Variants in MEMO1 observed in about 807,000 individuals in gnomAD.
MEMO1 encodes the protein mediator of cell motility 1, also known as protein MEMO1.
Under a neutral mutation model 45.2 loss-of-function variants are expected in MEMO1, and 6 were observed. The ratio of observed to expected loss-of-function variants is 0.13; its 90% CI spans 0.07 to 0.26. The LOEUF (loss-of-function observed/expected upper bound fraction) is 0.26, where lower values mean the gene tolerates loss of function less well. Ranked by LOEUF, MEMO1 falls within the 10% of genes least tolerant of loss-of-function variation. The pLI is 1.00. For missense variants in MEMO1, 184 were observed against 370.5 expected (o/e 0.50, Z 4.13); for synonymous variants, 78 against 124.3 (o/e 0.63, Z 2.48).
rs555676743 is a variant in MEMO1, at chr2:31,999,385, A to G, written c.61+10802T>C. Among the ~76,000 whole-genome samples the G allele has an allele frequency of 9.5e-4, 145 of 152,226 alleles. 1 individual carries two copies. The highest frequency in any genetic ancestry group is 1.9e-3 in the Non-Finnish European group (127 of 68,008). On this transcript the variant is annotated intron_variant, in intron 2 of 9. Transcript: ENST00000404530. Reference sequence around the variant, plus strand: ...CTCAAGTAAAAGTCCTTTCTAGACTAGGCACAGTGGCTCATACCTGTAATC... The same window carrying G: ...CTCAAGTAAAAGTCCTTTCTAGACTGGGCACAGTGGCTCATACCTGTAATC...
chr2:31,989,630 C>T (rs550281096), intron 2 of MEMO1, among the ~76,000 whole-genome samples: 22 of 152,300 alleles, frequency 1.4e-4, no homozygotes, highest in African/African-American at 3.8e-4. Flanking sequence ...TCAAATTCTA[C>T]ACTGCAATTA....
rs538999946 is a variant in MEMO1 at position 31,926,846 on chromosome 2, C to CA, written c.212+5220dup. 4.1e-3 allele frequency among the ~76,000 whole-genome samples: 557 copies of CA among 136,668 alleles called. 3 individuals carry two copies. The highest frequency in any genetic ancestry group is 5.8e-3 in the Non-Finnish European group (367 of 62,994). The allele number at this position is 136,668 out of a possible 152,430, so 89.7% of individuals were successfully genotyped here. A position where few individuals can be genotyped will look rare whatever the true frequency, so the allele number is the denominator to read the frequency against. ...GGGCGACAAGCACGAAACTCTGCCT[C>CA]AAAAAAAAAAGAAAAATAAACAAAA... On this transcript the variant is annotated intron_variant, in intron 4 of 9. Coordinates refer to ENST00000404530, the MANE Select transcript of MEMO1 (RefSeq NM_001301833.4).
At chr2:31,986,923 G>C (rs995387303) in intron 2 of MEMO1, among the ~76,000 whole-genome samples, 1 of 152,148 alleles carries the variant, frequency 6.6e-6, no homozygotes, top group African/African-American at 2.4e-5. Context: ...GCAATGTCTC[G>C]GAAGAGAGAA....
intron 6 of MEMO1, among the ~76,000 whole-genome samples, chr2:31,900,270 G>C (rs1678579370): frequency 6.6e-6 from 1 of 152,080 alleles, no homozygotes; most frequent in African/African-American, 2.4e-5. Flanking sequence ...GCAAAGACTT[G>C]GAACCAACCC....
intron 2 of MEMO1, among the ~76,000 whole-genome samples, chr2:31,945,892 C>A (rs544090275): frequency 3.9e-5 from 6 of 152,308 alleles, no homozygotes; most frequent in Non-Finnish European, 7.4e-5. Context: ...GGTATCAAGT[C>A]CTCTTACTTG....
chr2:31,929,198 A>G (rs773917340), intron 4 of MEMO1, among the ~76,000 whole-genome samples: 3 of 152,150 alleles, frequency 2.0e-5, no homozygotes, highest in Admixed American at 6.5e-5. Flanking sequence ...AAAATAAAAC[A>G]TATTTCCATT....
rs201206318 is a variant in MEMO1 at position 31,934,732 on chromosome 2, G to C, written c.144-2597C>G. ...ATTCTGAAAAATGCTGTGAGCTCTT[G>C]GGCAGGGGTGTGACAATATCAAACT... On this transcript the variant is annotated intron_variant, in intron 3 of 9. Coordinates refer to ENST00000404530, the MANE Select transcript of MEMO1 (RefSeq NM_001301833.4). Among the ~76,000 whole-genome samples the C allele has an allele frequency of 5.9e-5, 9 of 152,250 alleles. No homozygotes were observed. The East Asian group carries it at 1.7e-3, about 29-fold the overall frequency.
intron 2 of MEMO1, among the ~76,000 whole-genome samples, chr2:31,969,619 GT>G (rs1669128608): frequency 1.3e-5 from 2 of 149,064 alleles, no homozygotes; most frequent in South Asian, 2.2e-4. Context: ...GTGTGTGTGT[GT>G]GTGTGTGTGT....
At chr2:31,973,666 T>C (rs564474334) in intron 2 of MEMO1, among the ~76,000 whole-genome samples, 1 of 152,338 alleles carries the variant, frequency 6.6e-6, no homozygotes, top group East Asian at 1.9e-4. Context: ...TATATGCTAC[T>C]ATGTGAATGA....
chr2:31,940,645 G>A (rs973855950), intron 3 of MEMO1, among the ~76,000 whole-genome samples: 1 of 152,126 alleles, frequency 6.6e-6, no homozygotes, highest in Non-Finnish European at 1.5e-5. Context: ...GGGCTCAAGG[G>A]ATCCTCCTCC....
At chr2:31,899,920 T>C (rs755526877) in intron 6 of MEMO1, among the ~76,000 whole-genome samples, 74 of 152,160 alleles carry the variant, frequency 4.9e-4, no homozygotes, top group Non-Finnish European at 9.6e-4. Context: ...CCAACAAATA[T>C]ATGAAAAGAA....
chr2:31,875,463 ATGATC>A (rs1181244743), intron 8 of MEMO1, among the ~76,000 whole-genome samples: 1 of 152,176 alleles, frequency 6.6e-6, no homozygotes, highest in Non-Finnish European at 1.5e-5. Context: ...CCTGGCTTTA[ATGATC>A]TACTGAGACC....
chr2:31,999,194 G>A (rs758831640), intron 2 of MEMO1, among the ~76,000 whole-genome samples: 62 of 152,258 alleles, frequency 4.1e-4, no homozygotes, highest in Middle Eastern at 3.4e-3. Context: ...TCATCTCACA[G>A]TTGGATTACT....
Position 31,968,107 on chromosome 2 carries a change from T to G in MEMO1, c.62-24724A>C, listed in dbSNP as rs541913075. Among the ~76,000 whole-genome samples, 3 of 152,252 alleles carry G rather than the reference T, an allele frequency of 2.0e-5. No individual in the cohort carries two copies. The East Asian group carries it at 5.8e-4, about 29-fold the overall frequency. On this transcript the variant is annotated intron_variant, in intron 2 of 9. Coordinates refer to ENST00000404530, the MANE Select transcript of MEMO1 (RefSeq NM_001301833.4). The stretch of plus-strand genomic sequence containing the variant: ...CTCAATCTGTAGGTCAAGAGCCAAA[T>G]AGAATAGAATTAGCTGCTGTGCTTA...
chr2:31,988,329 T>C (rs1007689397), intron 2 of MEMO1, among the ~76,000 whole-genome samples: 13 of 151,932 alleles, frequency 8.6e-5, no homozygotes, highest in African/African-American at 3.1e-4. Flanking sequence ...GGCGGATCAC[T>C]TGAGGTCAGG....
At chr2:31,925,110 A>ACC (rs1682885204) in intron 4 of MEMO1, among the ~76,000 whole-genome samples, 1 of 152,152 alleles carries the variant, frequency 6.6e-6, no homozygotes, top group African/African-American at 2.4e-5. Context: ...CCTTGATAAC[A>ACC]CCAACAACTT....
chr2:32,000,618 G>A (rs919317607), intron 2 of MEMO1, among the ~76,000 whole-genome samples: 5 of 151,610 alleles, frequency 3.3e-5, no homozygotes, highest in East Asian at 3.9e-4. Flanking sequence ...CGCCCTCCTC[G>A]GCCTCCCAAA....
intron 4 of MEMO1, among the ~76,000 whole-genome samples, chr2:31,922,842 T>C (rs1358275827): frequency 6.6e-6 from 1 of 152,164 alleles, no homozygotes; most frequent in Non-Finnish European, 1.5e-5. Flanking sequence ...ATAGTGTATA[T>C]ATGTACCACA....
chr2:31,938,730 TTAA>T (rs1463022625), intron 3 of MEMO1, among the ~76,000 whole-genome samples: 2 of 151,944 alleles, frequency 1.3e-5, no homozygotes, highest in East Asian at 3.9e-4. Context: ...AAGTTTTTGA[TTAA>T]TGTGATTTTT....
Sources: gnomAD v4.1 joint callset for allele counts (sites outside exome capture counted in the v4.1 genomes callset) on GRCh38, gnomAD v4.1.1 for gene constraint, MANE v1.5 for transcripts, NCBI Gene and HGNC (gene_info 2026-07-23, HGNC 2026-07-21) for gene names.